Variants in ARHGAP36 observed in about 807,000 individuals in gnomAD.
The protein encoded by ARHGAP36 is Rho GTPase activating protein 36, also known as rho GTPase-activating protein 36.
In ARHGAP36, 7 loss-of-function variants were observed where a neutral mutation model predicts 32.9. That is an observed-to-expected ratio of 0.21 (90% CI 0.12 to 0.40). The LOEUF (loss-of-function observed/expected upper bound fraction) is 0.40. Ranked by LOEUF, ARHGAP36 falls within the 10% of genes least tolerant of loss-of-function variation. The pLI is 1.00. For synonymous variants in ARHGAP36, 165 were observed against 168.3 expected (o/e 0.98, Z 0.15); for missense variants, 383 against 442.2 (o/e 0.87, Z 1.20).
chrX:131,087,733 C>T (rs112456969), intron 11 of ARHGAP36, among the ~76,000 whole-genome samples: 3,091 of 111,318 alleles, frequency 0.028, 108 homozygotes, highest in East Asian at 0.15. Flanking sequence ...TCCCAAACAC[C>T]GAAGAAGCCT....
intron 9 of ARHGAP36, 112 bp downstream of exon 9, chrX:131,086,201 C>G: frequency 9.0e-7 from 1 of 1,108,236 alleles, no homozygotes; most frequent in Non-Finnish European, 1.2e-6. Context: ...GCCACAAGAT[C>G]GTCCAGTCTA....
At position 131,083,942 on chromosome X, in the gene ARHGAP36, C is replaced by T. The variant is rs754747022; in HGVS notation, c.528C>T (p.Pro176=). 9.1e-6 allele frequency: 11 copies of T among 1,209,995 alleles called. No individual in the cohort carries two copies. In the South Asian group the frequency reaches 1.9e-4, roughly 21 times the overall value. Residue 176 remains proline (P), a synonymous_variant, in exon 4 of 12, where the codon CCC becomes CCT. Coordinates refer to ENST00000276211, the MANE Select transcript of ARHGAP36 (RefSeq NM_144967.4). ...GCAGGCGGAATGAGCCCACCTTGCCCCGGGAGTTCACTCGCCGTGGGCGTC... is the reference window on the plus strand; with the variant it reads ...GCAGGCGGAATGAGCCCACCTTGCCTCGGGAGTTCACTCGCCGTGGGCGTC... ...FSRRRNEPTL[P]REFTRRGRRG...
intron 11 of ARHGAP36, among the ~76,000 whole-genome samples, chrX:131,087,768 G>A (rs774515327): frequency 9.8e-5 from 11 of 111,944 alleles, no homozygotes; most frequent in South Asian, 3.8e-4. Flanking sequence ...ATTCCGGGAC[G>A]TGAAGAAGCC....
chrX:131,086,294 G>T (rs1569369568), intron 9 of ARHGAP36, 35 bp from the exon 10 acceptor site: 2 of 1,187,774 alleles, frequency 1.7e-6, no homozygotes, highest in Non-Finnish European at 2.3e-6. Flanking sequence ...AAGGTGCTGT[G>T]TAATGATGGC....
chrX:131,073,840 G>GGAT (rs1232518804), intron 1 of ARHGAP36, among the ~76,000 whole-genome samples: 1 of 110,621 alleles, frequency 9.0e-6, no homozygotes, highest in East Asian at 2.8e-4. Context: ...ATGGATAGAT[G>GGAT]GATGGATGGA....
intron 1 of ARHGAP36, among the ~76,000 whole-genome samples, chrX:131,074,397 G>A (rs1039877655): frequency 9.1e-6 from 1 of 110,333 alleles, no homozygotes; most frequent in African/African-American, 3.3e-5. Context: ...ATGTAAGAGA[G>A]TGTAAGGGTG....
At chrX:131,082,589 G>C (rs1192938455) in intron 2 of ARHGAP36, among the ~76,000 whole-genome samples, 2 of 113,377 alleles carry the variant, frequency 1.8e-5, no homozygotes, top group Non-Finnish European at 3.7e-5. Flanking sequence ...AAAGTGCTGG[G>C]GGTGGCAGCT....
chrX:131,085,705 G>A lies in ARHGAP36; in HGVS notation c.1073G>A (p.Cys358Tyr). 1 of 1,211,672 alleles carries A rather than the reference G, an allele frequency of 8.3e-7. No homozygotes were observed. The highest frequency in any genetic ancestry group is 1.1e-6 in the Non-Finnish European group (1 of 895,547). Reference sequence around the variant, plus strand: ...GCCCTGCATAAAATCACTGAGAACTGCGAGGACTCAATTGGCATTGATGGA... The same window carrying A: ...GCCCTGCATAAAATCACTGAGAACTACGAGGACTCAATTGGCATTGATGGA... ...LKALHKITEN[C>Y]EDSIGIDGQL... The change falls in exon 8 of 12, where the codon TGC (cysteine) becomes TAC (tyrosine). Residue 358 changes from cysteine to tyrosine, a missense_variant. Cys to Tyr is a radical substitution (Grantham distance 194). This residue lies in a region of ARHGAP36 where 227 missense variants were observed against 311.3 expected (regional missense o/e 0.73). Coordinates refer to ENST00000276211, the MANE Select transcript of ARHGAP36 (RefSeq NM_144967.4).
chrX:131,080,875 T>C (rs2079793066), intron 1 of ARHGAP36, among the ~76,000 whole-genome samples: 1 of 111,903 alleles, frequency 8.9e-6, no homozygotes, highest in African/African-American at 3.2e-5. Flanking sequence ...TTTCCTTCAG[T>C]CTTTTATTTT....
Position 131,083,239 on chromosome X carries a change from G to A in ARHGAP36, c.319+9G>A. ...GAGAGGACAGCAGAGGGGTGAGGGG[G>A]CTCTTGTATTTTCTTTAGAAAAGAA... is the stretch of plus-strand genomic sequence containing the variant. On this transcript the variant is annotated intron_variant, in intron 3 of 11. Coordinates refer to ENST00000276211, the MANE Select transcript of ARHGAP36 (RefSeq NM_144967.4). The A allele has an allele frequency of 8.3e-7, 1 of 1,201,299 alleles. No homozygotes were observed. Among genetic ancestry groups the A allele is most frequent in the Non-Finnish European group, 1.1e-6 (1 of 890,066 alleles).
intron 1 of ARHGAP36, among the ~76,000 whole-genome samples, chrX:131,077,806 T>TATATATATATATATATA (rs2079772358): frequency 9.7e-5 from 9 of 92,807 alleles, no homozygotes; most frequent in African/African-American, 3.3e-4. Flanking sequence ...TATATATATA[T>TATATATATATATATATA]TGCTAGTGAC....
At chrX:131,084,157 A>G in intron 4 of ARHGAP36, 58 bp from the exon 5 acceptor site, 1 of 1,121,484 alleles carries the variant, frequency 8.9e-7, no homozygotes, top group African/African-American at 1.8e-5. Context: ...AGTACTCAGG[A>G]AGGTCCTAAT....
intron 1 of ARHGAP36, among the ~76,000 whole-genome samples, chrX:131,067,083 C>G (rs1272190984): frequency 8.9e-6 from 1 of 111,993 alleles, no homozygotes; most frequent in African/African-American, 3.2e-5. Flanking sequence ...GAAGCGAGCC[C>G]TCAGTTGAGA....
At chrX:131,077,940 T>C (rs988741752) in intron 1 of ARHGAP36, among the ~76,000 whole-genome samples, 4 of 105,800 alleles carry the variant, frequency 3.8e-5, no homozygotes, top group Non-Finnish European at 7.9e-5. Flanking sequence ...TTATAAAATG[T>C]TTTTTTTAAA....
At chrX:131,075,623 A>ATGTGTG (rs5903808) in intron 1 of ARHGAP36, among the ~76,000 whole-genome samples, 49,207 of 97,751 alleles carry the variant, frequency 0.5, 10,519 homozygotes, top group Non-Finnish European at 0.64. Context: ...GTGTATATAT[A>ATGTGTG]TGTGTGTGTG....
intron 11 of ARHGAP36, among the ~76,000 whole-genome samples, chrX:131,088,255 A>G (rs1367828108): frequency 2.7e-5 from 3 of 112,750 alleles, no homozygotes; most frequent in East Asian, 5.6e-4. Context: ...TTTCAGCTCT[A>G]GCTTTGTTAC....
chrX:131,067,588 C>T (rs1469333131), intron 1 of ARHGAP36, among the ~76,000 whole-genome samples: 1 of 112,272 alleles, frequency 8.9e-6, no homozygotes, highest in African/African-American at 3.2e-5. Flanking sequence ...CGTCCCCGCC[C>T]CCAACCACAC....
At chrX:131,085,148 G>A (rs2079827568) in intron 7 of ARHGAP36, 84 bp downstream of exon 7, 2 of 1,018,496 alleles carry the variant, frequency 2.0e-6, no homozygotes, top group African/African-American at 1.9e-5. Context: ...GCTCAGGCTG[G>A]AGGACTTTGA....
chrX:131,088,936 A>G lies in ARHGAP36; in HGVS notation c.*151A>G. ...GCTCGGGTCAGGATGAGAATTCCAA[A>G]CACACTGCCAGCCCCTTCACTGGGG... On this transcript the variant is annotated 3_prime_UTR_variant, in exon 12 of 12. Coordinates refer to ENST00000276211, the MANE Select transcript of ARHGAP36 (RefSeq NM_144967.4). 1.3e-6 allele frequency: 1 copy of G among 793,718 alleles called. No homozygotes were observed. The highest frequency in any genetic ancestry group is 1.7e-6 in the Non-Finnish European group (1 of 579,027). 65.4% of individuals were successfully genotyped at this position (793,718 alleles called of 1,213,427 possible). A position where few individuals can be genotyped will look rare whatever the true frequency, so the allele number is the denominator to read the frequency against.
Sources: allele counts gnomAD v4.1 joint callset (sites outside exome capture counted in the v4.1 genomes callset), GRCh38; gene constraint gnomAD v4.1.1; regional missense constraint gnomAD v4.1.1; transcripts MANE v1.5; gene names NCBI Gene and HGNC (gene_info 2026-07-23, HGNC 2026-07-21).